DGKH: variants seen among roughly 807,000 people sequenced by gnomAD.
DGKH encodes the protein DAG kinase eta.
DGKH carries 90 observed loss-of-function variants against 159.3 expected under a neutral mutation model. The observed-to-expected ratio is 0.57, with a 90% confidence interval of 0.48 to 0.67. The LOEUF (loss-of-function observed/expected upper bound fraction) is 0.67. Ranked by LOEUF, DGKH falls within the 30% of genes least tolerant of loss-of-function variation. The probability of loss-of-function intolerance (pLI) is 0.00; values close to 1 mark genes in which losing one functional copy is unlikely to be tolerated. For synonymous variants in DGKH, 536 were observed against 553.8 expected (o/e 0.97, Z 0.45); for missense variants, 1,181 against 1,506.1 (o/e 0.78, Z 3.57).
chr13:42,164,251 A>G (rs1472198461), intron 7 of DGKH, among the ~76,000 whole-genome samples: 2 of 152,202 alleles, frequency 1.3e-5, no homozygotes, highest in Non-Finnish European at 1.5e-5. Flanking sequence ...AATTGTGAAG[A>G]TATAATTTGA....
intron 1 of DGKH, among the ~76,000 whole-genome samples, chr13:42,110,195 C>T (rs1438849853): frequency 6.6e-6 from 1 of 152,094 alleles, no homozygotes; most frequent in African/African-American, 2.4e-5. Context: ...TGTGAGATTC[C>T]TGATTGTCTG....
At chr13:42,049,149 T>C (rs1294999687) in intron 1 of DGKH, among the ~76,000 whole-genome samples, 184 bp downstream of exon 1, 1 of 27,286 alleles carries the variant, frequency 3.7e-5, no homozygotes, top group South Asian at 1.1e-3. Context: ...GGTGAGACGG[T>C]GAGGCGGGGC....
intron 5 of DGKH, among the ~76,000 whole-genome samples, chr13:42,157,621 T>G (rs1197553936): frequency 1.3e-5 from 2 of 152,192 alleles, no homozygotes; most frequent in East Asian, 3.8e-4. Flanking sequence ...GAAGTATTAT[T>G]TTCTATATGA....
chr13:42,202,878 T>A (rs1277844651), intron 20 of DGKH, among the ~76,000 whole-genome samples: 5 of 152,180 alleles, frequency 3.3e-5, no homozygotes. Flanking sequence ...ATACGTAATT[T>A]ACATGGGTTA....
At chr13:42,217,216 T>G (rs1204640756) in intron 26 of DGKH, among the ~76,000 whole-genome samples, 2 of 152,202 alleles carry the variant, frequency 1.3e-5, no homozygotes, top group Non-Finnish European at 2.9e-5. Flanking sequence ...ATTCTTAGAC[T>G]AAACGAAAAT....
rs553183605 is a variant in DGKH, at chr13:42,219,441, A to C, written c.3333+92A>C. On this transcript the variant is annotated intron_variant, in intron 27 of 29. Coordinates refer to ENST00000337343, the MANE Select transcript of DGKH (RefSeq NM_178009.5). ...TTGAAAAAGAGATATTTAGGGAAAA[A>C]TGAATTTTGAATACTACTTTCAAAT... 53 of 1,515,954 alleles carry C rather than the reference A, an allele frequency of 3.5e-5. 1 individual carries two copies. Among genetic ancestry groups the C allele is most frequent in the Non-Finnish European group, 4.7e-5 (53 of 1,123,688 alleles). The allele number at this position is 1,515,954 out of a possible 1,614,324, so 93.9% of individuals were successfully genotyped here. A position where few individuals can be genotyped will look rare whatever the true frequency, so the allele number is the denominator to read the frequency against.
rs1018811981 is a variant in DGKH at position 42,236,575 on chromosome 13, T to C, written c.*7387T>C. On this transcript the variant is annotated 3_prime_UTR_variant, in exon 30 of 30. Coordinates refer to ENST00000337343, the MANE Select transcript of DGKH (RefSeq NM_178009.5). ...TTCTGTAGCCAATTCTCAGTTTTAGTTGAAGAGAGATCTCAGTGATTGTAC... is the reference window on the plus strand; with the variant it reads ...TTCTGTAGCCAATTCTCAGTTTTAGCTGAAGAGAGATCTCAGTGATTGTAC... 4 of 152,182 alleles carry C rather than the reference T, an allele frequency of 2.6e-5. No homozygotes were observed. Among genetic ancestry groups the C allele is most frequent in the Non-Finnish European group, 5.9e-5 (4 of 68,024 alleles). 9.4% of individuals were successfully genotyped at this position (152,182 alleles called of 1,614,324 possible).
intron 24 of DGKH, among the ~76,000 whole-genome samples, chr13:42,213,544 T>C (rs1957716842): frequency 6.6e-6 from 1 of 152,208 alleles, no homozygotes; most frequent in South Asian, 2.1e-4. Context: ...TAGCCCATTC[T>C]TCATGGTTTC....
intron 1 of DGKH, among the ~76,000 whole-genome samples, chr13:42,053,513 C>T (rs1158135065): frequency 7.3e-6 from 1 of 137,624 alleles, no homozygotes; most frequent in African/African-American, 2.7e-5. Context: ...TGTAACTATA[C>T]ATAACTATAT....
chr13:42,159,855 A>G (rs541893054), intron 6 of DGKH, among the ~76,000 whole-genome samples, 156 bp from the exon 7 acceptor site: 3 of 152,236 alleles, frequency 2.0e-5, no homozygotes, highest in African/African-American at 7.2e-5. Flanking sequence ...TTGAACGTTC[A>G]TAATAGATGC....
chr13:42,095,387 A>G (rs1467488877), intron 1 of DGKH, among the ~76,000 whole-genome samples: 1 of 151,696 alleles, frequency 6.6e-6, no homozygotes, highest in Non-Finnish European at 1.5e-5. Context: ...GGTCTTGAAC[A>G]CCTGAACTCA....
In DGKH at chr13:42,164,437, C is replaced by A. The variant is rs888933123; in HGVS notation, c.856-894C>A. 2.0e-5 allele frequency among the ~76,000 whole-genome samples: 3 copies of A among 152,060 alleles called. No homozygotes were observed. The East Asian group carries it at 5.8e-4, about 29-fold the overall frequency. ...AAAACTGTCTAAAAACAGGTCTTCA[C>A]CAGAATTAGAATTATTATTGAATTT... On this transcript the variant is annotated intron_variant, in intron 7 of 29. Transcript: ENST00000337343.
chr13:42,076,866 G>A (rs9566910), intron 1 of DGKH, among the ~76,000 whole-genome samples: 54,760 of 151,946 alleles, frequency 0.36, 10,115 homozygotes, highest in East Asian at 0.44. Context: ...TCTGTAGGAT[G>A]AGAAAGAAGT....
chr13:42,080,328 C>T (rs1445409712), intron 1 of DGKH, among the ~76,000 whole-genome samples: 2 of 152,252 alleles, frequency 1.3e-5, no homozygotes. Context: ...TGCTGAGTTT[C>T]GTACCATATA....
rs550820297 is a variant in DGKH at position 42,142,929 on chromosome 13, C to T, written c.385-12362C>T. 1.8e-3 allele frequency among the ~76,000 whole-genome samples: 268 copies of T among 152,266 alleles called. 2 individuals carry two copies. The highest frequency in any genetic ancestry group is 6.2e-3 in the African/African-American group (256 of 41,544). On this transcript the variant is annotated intron_variant, in intron 3 of 29. Coordinates refer to ENST00000337343, the MANE Select transcript of DGKH (RefSeq NM_178009.5). ...ATTGCCCTGGCCAGAACTTCCAACA[C>T]TGTGTTGAATAGGAGTGGTGAGAGA...
chr13:42,201,837 T>TA (rs1199583730), intron 20 of DGKH, among the ~76,000 whole-genome samples: 1 of 152,214 alleles, frequency 6.6e-6, no homozygotes, highest in Non-Finnish European at 1.5e-5. Context: ...GTCTAATAAA[T>TA]ACCATAACTT....
intron 17 of DGKH, 81 bp downstream of exon 17, chr13:42,195,097 A>G (rs1957172579): frequency 6.7e-7 from 1 of 1,500,566 alleles, no homozygotes; most frequent in African/African-American, 1.4e-5. Flanking sequence ...TACTGTGGAA[A>G]CATGTTCTTA....
At position 42,238,139 on chromosome 13, in the gene DGKH, C is replaced by T. The variant is rs1348037191; in HGVS notation, c.*8951C>T. 2.6e-5 allele frequency: 4 copies of T among 152,122 alleles called. No homozygotes were observed. Among genetic ancestry groups the T allele is most frequent in the African/African-American group, 7.2e-5 (3 of 41,430 alleles). The allele number at this position is 152,122 out of a possible 1,614,324, so 9.4% of individuals were successfully genotyped here. On this transcript the variant is annotated 3_prime_UTR_variant, in exon 30 of 30. Coordinates refer to ENST00000337343, the MANE Select transcript of DGKH (RefSeq NM_178009.5). The stretch of plus-strand genomic sequence containing the variant: ...ATTATCAGTTGTTAGTACTTGGTAA[C>T]GTTTCTTTTACTAAAGGAATTATAT...
At chr13:42,193,705 G>C (rs1230019062) in intron 16 of DGKH, among the ~76,000 whole-genome samples, 1 of 152,130 alleles carries the variant, frequency 6.6e-6, no homozygotes, top group Non-Finnish European at 1.5e-5. Flanking sequence ...TAGCCCAGGA[G>C]TCCTATCTAT....
Sources: allele counts gnomAD v4.1 joint callset (sites outside exome capture counted in the v4.1 genomes callset), GRCh38; gene constraint gnomAD v4.1.1; transcripts MANE v1.5; gene names NCBI Gene and HGNC (gene_info 2026-07-23, HGNC 2026-07-21).